The following FCHSD2 variants were observed in gnomAD, a reference collection of about 807,000 sequenced individuals.
FCHSD2 encodes FCH and double SH3 domains 2, also known as F-BAR and double SH3 domains protein 2.
In FCHSD2, 38 loss-of-function variants were observed where a neutral mutation model predicts 108.1. That is an observed-to-expected ratio of 0.35 (90% CI 0.27 to 0.46). The LOEUF is 0.46. Among genes scored for constraint, FCHSD2 ranks in the 20% least tolerant of loss-of-function variants. The pLI is 1.00. For synonymous variants in FCHSD2, 279 were observed against 314.7 expected (o/e 0.89, Z 1.20); for missense variants, 751 against 897.8 (o/e 0.84, Z 2.09).
At chr11:73,121,178 C>CAT (rs1860726930) in intron 2 of FCHSD2, among the ~76,000 whole-genome samples, 1 of 151,938 alleles carries the variant, frequency 6.6e-6, no homozygotes, top group African/African-American at 2.4e-5. Context: ...TACACATACA[C>CAT]ACACACACAC....
intron 4 of FCHSD2, among the ~76,000 whole-genome samples, chr11:73,015,251 G>T (rs896159596): frequency 2.0e-5 from 3 of 151,998 alleles, no homozygotes; most frequent in Non-Finnish European, 4.4e-5. Flanking sequence ...TTCGTATGTG[G>T]GATATTAACT....
intron 9 of FCHSD2, among the ~76,000 whole-genome samples, chr11:72,915,733 G>A (rs1370511531): frequency 8.5e-5 from 13 of 152,122 alleles, no homozygotes; most frequent in African/African-American, 2.4e-4. Context: ...CAGGAGAATC[G>A]CTTGAACCTG....
rs987096104 is a variant in FCHSD2 at position 72,890,707 on chromosome 11, C to T, written c.925-762G>A. Among the ~76,000 whole-genome samples the T allele has an allele frequency of 8.1e-4, 123 of 151,580 alleles. 1 individual carries two copies. The highest frequency in any genetic ancestry group is 2.9e-3 in the African/African-American group (121 of 41,328). On this transcript the variant is annotated intron_variant, in intron 10 of 19. Transcript: ENST00000409418. ...TTTTAACAACCTGATGATGTGGGTC[C>T]CACATCATTTTATAGAAAAGAAAAC... is the stretch of plus-strand genomic sequence containing the variant.
chr11:73,035,083 GAC>G (rs1374429463), intron 3 of FCHSD2, among the ~76,000 whole-genome samples: 1 of 152,170 alleles, frequency 6.6e-6, no homozygotes. Context: ...TAAGAGCACA[GAC>G]ACACATTCTC....
chr11:73,093,703 G>A (rs1860009696), intron 2 of FCHSD2, among the ~76,000 whole-genome samples: 2 of 152,140 alleles, frequency 1.3e-5, no homozygotes, highest in South Asian at 4.2e-4. Flanking sequence ...CCGGGTTCAA[G>A]CGATTCTCCT....
At chr11:72,853,169 A>C (rs765574123) in intron 13 of FCHSD2, among the ~76,000 whole-genome samples, 12 of 152,252 alleles carry the variant, frequency 7.9e-5, no homozygotes, top group Admixed American at 6.5e-5. Context: ...GTTCGAGACT[A>C]GAAAGCCCAG....
chr11:72,865,315 T>C (rs754362936), intron 13 of FCHSD2, among the ~76,000 whole-genome samples: 2 of 152,172 alleles, frequency 1.3e-5, no homozygotes, highest in Non-Finnish European at 2.9e-5. Context: ...TAAATAAATA[T>C]AGGTCCTCAT....
chr11:72,958,292 C>A (rs113340414), intron 8 of FCHSD2, among the ~76,000 whole-genome samples: 1 of 151,972 alleles, frequency 6.6e-6, no homozygotes, highest in South Asian at 2.1e-4. Flanking sequence ...CTGAGGCAGG[C>A]GGATCACTTG....
At chr11:73,060,583 T>C (rs1217064467) in intron 3 of FCHSD2, among the ~76,000 whole-genome samples, 1 of 152,192 alleles carries the variant, frequency 6.6e-6, no homozygotes, top group Non-Finnish European at 1.5e-5. Context: ...AAGAAAGACT[T>C]TGCATGAAGA....
intron 3 of FCHSD2, among the ~76,000 whole-genome samples, chr11:73,062,470 G>A (rs1171055415): frequency 1.3e-5 from 2 of 151,998 alleles, no homozygotes; most frequent in African/African-American, 2.4e-5. Context: ...GCTTCAGAAG[G>A]TGGGTAATAA....
At chr11:72,974,106 C>A (rs1437936515) in intron 8 of FCHSD2, among the ~76,000 whole-genome samples, 1 of 151,700 alleles carries the variant, frequency 6.6e-6, no homozygotes, top group Non-Finnish European at 1.5e-5. Context: ...AGTTTTGGTC[C>A]ATTTTCTGTT....
chr11:73,095,162 T>G (rs1450461226), intron 2 of FCHSD2, among the ~76,000 whole-genome samples: 1 of 152,200 alleles, frequency 6.6e-6, no homozygotes, highest in East Asian at 1.9e-4. Flanking sequence ...TAGGTGACCT[T>G]GAGCGAGTTA....
intron 12 of FCHSD2, among the ~76,000 whole-genome samples, chr11:72,880,068 A>AAC (rs1855051736): frequency 1.1e-4 from 16 of 146,754 alleles, no homozygotes; most frequent in South Asian, 8.5e-4. Flanking sequence ...AAACAAGACA[A>AAC]AAACAAACAA....
chr11:72,957,472 TAAAA>T (rs1013914024), intron 8 of FCHSD2, among the ~76,000 whole-genome samples: 24 of 151,150 alleles, frequency 1.6e-4, no homozygotes, highest in African/African-American at 5.9e-4. Flanking sequence ...CTCTACTCTT[TAAAA>T]CTGTCAAAGT....
At chr11:72,866,964 T>C (rs1854741505) in intron 13 of FCHSD2, among the ~76,000 whole-genome samples, 1 of 152,162 alleles carries the variant, frequency 6.6e-6, no homozygotes, top group Non-Finnish European at 1.5e-5. Context: ...ATCCAACCAT[T>C]CACTCCTTCC....
intron 8 of FCHSD2, among the ~76,000 whole-genome samples, chr11:72,980,278 T>C (rs944425891): frequency 1.3e-5 from 2 of 152,210 alleles, no homozygotes; most frequent in Admixed American, 6.5e-5. Flanking sequence ...CAGTAGGCCA[T>C]CTAAGCAGTG....
intron 8 of FCHSD2, among the ~76,000 whole-genome samples, chr11:72,949,751 C>T (rs1856588578): frequency 6.6e-6 from 1 of 152,088 alleles, no homozygotes; most frequent in South Asian, 2.1e-4. Context: ...ATGGGTTTAC[C>T]ACATCTTGTT....
In FCHSD2 at chr11:72,996,301, A is replaced by G. The variant is rs559486754; in HGVS notation, c.387+4689T>C. Reference sequence around the variant, plus strand: ...TGTAAAATAATAATACTTAAATACTATCAGGGTTGTGTAAAAATCAAATGT... The same window carrying G: ...TGTAAAATAATAATACTTAAATACTGTCAGGGTTGTGTAAAAATCAAATGT... On this transcript the variant is annotated intron_variant, in intron 5 of 19. Transcript: ENST00000409418. 8.5e-5 allele frequency among the ~76,000 whole-genome samples: 13 copies of G among 152,320 alleles called. No individual in the cohort carries two copies. The South Asian group carries it at 2.5e-3, about 29-fold the overall frequency.
chr11:73,116,499 G>A (rs1159671653), intron 2 of FCHSD2, among the ~76,000 whole-genome samples: 1 of 151,980 alleles, frequency 6.6e-6, no homozygotes, highest in Non-Finnish European at 1.5e-5. Flanking sequence ...TCTTTTCTGG[G>A]CCTAGTGCAT....
Sources: allele counts gnomAD v4.1 joint callset (sites outside exome capture counted in the v4.1 genomes callset), GRCh38; gene constraint gnomAD v4.1.1; transcripts MANE v1.5; gene names NCBI Gene and HGNC (gene_info 2026-07-23, HGNC 2026-07-21).